Variants in CTNNA3 observed in about 807,000 individuals in gnomAD.
CTNNA3 encodes catenin alpha-3.
In CTNNA3, 76 loss-of-function variants were observed where a neutral mutation model predicts 95.7. The ratio of observed to expected loss-of-function variants is 0.79; its 90% CI spans 0.66 to 0.96. The LOEUF is 0.96. Ranked by LOEUF, CTNNA3 falls within the 40% of genes least tolerant of loss-of-function variation. The probability of loss-of-function intolerance (pLI) is 0.00; values close to 1 mark genes in which losing one functional copy is unlikely to be tolerated. For missense variants in CTNNA3, 1,191 were observed against 1,089.8 expected (o/e 1.09, Z -1.31); for synonymous variants, 431 against 374.4 (o/e 1.15, Z -1.74).
At chr10:67,146,642 AAG>A (rs1181851274) in intron 7 of CTNNA3, among the ~76,000 whole-genome samples, 1 of 152,212 alleles carries the variant, frequency 6.6e-6, no homozygotes, top group Non-Finnish European at 1.5e-5. Context: ...GGTGGGATTT[AAG>A]AGAGATGCTT....
At chr10:66,209,347 T>C (rs1486475938) in intron 13 of CTNNA3, among the ~76,000 whole-genome samples, 1 of 152,108 alleles carries the variant, frequency 6.6e-6, no homozygotes, top group Non-Finnish European at 1.5e-5. Flanking sequence ...GTAAATGATA[T>C]AGAATTATAG....
chr10:67,527,479 A>G (rs1235078947), intron 4 of CTNNA3, among the ~76,000 whole-genome samples: 1 of 152,218 alleles, frequency 6.6e-6, no homozygotes, highest in African/African-American at 2.4e-5. Flanking sequence ...AATAGCCAAC[A>G]TCATAGACAT....
intron 10 of CTNNA3, among the ~76,000 whole-genome samples, chr10:66,546,098 T>C (rs1842027185): frequency 6.6e-6 from 1 of 151,964 alleles, no homozygotes; most frequent in African/African-American, 2.4e-5. Flanking sequence ...TTAGTTTTCA[T>C]GCAGTATAAT....
intron 10 of CTNNA3, among the ~76,000 whole-genome samples, chr10:66,543,911 GTATATATATATATATATATATA>G (rs1198925758): frequency 0.084 from 1,364 of 16,262 alleles, 41 homozygotes; most frequent in African/African-American, 0.2. Context: ...GTGTGTGTGT[GTATATATATATATATATATATA>G]TATATATATA....
At chr10:67,698,109 T>G (rs1841001909), upstream of CTNNA3, among the ~76,000 whole-genome samples, 1 of 152,256 alleles carries the variant, frequency 6.6e-6, no homozygotes, top group Non-Finnish European at 1.5e-5. Context: ...CTTGTCACCT[T>G]GCCCAGTCTT....
In CTNNA3 at chr10:66,070,554, A is replaced by G. The variant is rs143715538; in HGVS notation, c.1978-1065T>C. ...TAAATCTGTGATTCTATTTATTAGAATAAATAGTGCTGAATATACACTGGT... is the reference window on the plus strand; with the variant it reads ...TAAATCTGTGATTCTATTTATTAGAGTAAATAGTGCTGAATATACACTGGT... On this transcript the variant is annotated intron_variant, in intron 14 of 17. Transcript: ENST00000433211. 2.6e-3 allele frequency among the ~76,000 whole-genome samples: 389 copies of G among 152,274 alleles called. 5 individuals are homozygous for G. The highest frequency in any genetic ancestry group is 9.0e-3 in the African/African-American group (376 of 41,574).
intron 1 of CTNNA3, among the ~76,000 whole-genome samples, chr10:67,673,391 C>A (rs1185485297): frequency 2.0e-5 from 3 of 150,218 alleles, no homozygotes; most frequent in African/African-American, 7.3e-5. Context: ...GAACTTCCAA[C>A]ACTATGTTGA....
At chr10:66,114,009 T>C (rs1035387154) in intron 13 of CTNNA3, among the ~76,000 whole-genome samples, 9 of 152,262 alleles carry the variant, frequency 5.9e-5, no homozygotes, top group Admixed American at 3.9e-4. Context: ...GCAGCAGTAG[T>C]AGCAACAGTA....
At chr10:66,928,509 A>G in intron 7 of CTNNA3, 4 of 1,486,406 alleles carry the variant, frequency 2.7e-6, no homozygotes. Flanking sequence ...GTGGTGCTTT[A>G]TTGAACTCTG....
chr10:66,039,551 G>A lies in CTNNA3; in HGVS notation c.2159+29757C>T, dbSNP rs1362845842. ...ATATTTAGACCAACTTAATAGAATA[G>A]AGAGTCCAGAAATAAGACTGCCCAC... On this transcript the variant is annotated intron_variant, in intron 15 of 17. Coordinates refer to ENST00000433211, the MANE Select transcript of CTNNA3 (RefSeq NM_013266.4). 2.6e-5 allele frequency among the ~76,000 whole-genome samples: 4 copies of A among 152,122 alleles called. No homozygotes were observed. In the East Asian group the frequency reaches 7.7e-4, roughly 29 times the overall value.
intron 1 of CTNNA3, among the ~76,000 whole-genome samples, chr10:67,695,188 A>G (rs894510782): frequency 6.6e-6 from 1 of 152,212 alleles, no homozygotes; most frequent in Non-Finnish European, 1.5e-5. Flanking sequence ...CTTTGTTTTA[A>G]GCAAATCATT....
chr10:66,891,707 G>C (rs762591451), intron 7 of CTNNA3, among the ~76,000 whole-genome samples: 46 of 152,184 alleles, frequency 3.0e-4, no homozygotes, highest in Non-Finnish European at 4.4e-4. Context: ...TTGGAAACGA[G>C]AGAATGAGAG....
intron 7 of CTNNA3, among the ~76,000 whole-genome samples, chr10:67,151,662 A>C (rs1268352563): frequency 6.6e-6 from 1 of 152,232 alleles, no homozygotes; most frequent in East Asian, 1.9e-4. Context: ...ATAGGCTTAC[A>C]TGCTCAGGGA....
rs533093058 is a variant in CTNNA3, at chr10:67,421,550, C to G, written c.579+100292G>C. On this transcript the variant is annotated intron_variant, in intron 5 of 17. Coordinates refer to ENST00000433211, the MANE Select transcript of CTNNA3 (RefSeq NM_013266.4). ...CATTGTCACATGGGGACCATGAACA[C>G]CTCTCTACACATCATGGGCTTTGGG... Among the ~76,000 whole-genome samples, 44 of 152,258 alleles carry G rather than the reference C, an allele frequency of 2.9e-4. 1 individual carries two copies. The highest frequency in any genetic ancestry group is 9.4e-4 in the African/African-American group (39 of 41,546).
chr10:65,919,161 G>GA lies in CTNNA3; in HGVS notation c.*1168dup, dbSNP rs1303956319. Reference sequence around the variant, plus strand: ...GAGAGAGGCAGGTCATCAGGGGAGAGAAAAAGAGAGAGAGAATGACAGAGA... The same window carrying GA: ...GAGAGAGGCAGGTCATCAGGGGAGAGAAAAAAGAGAGAGAGAATGACAGAGA... On this transcript the variant is annotated 3_prime_UTR_variant, in exon 18 of 18. Transcript: ENST00000433211. 38 of 152,158 alleles carry GA rather than the reference G, an allele frequency of 2.5e-4. No individual in the cohort carries two copies. The highest frequency in any genetic ancestry group is 8.9e-4 in the African/African-American group (37 of 41,504). The allele number at this position is 152,158 out of a possible 1,614,324, so 9.4% of individuals were successfully genotyped here.
chr10:66,482,211 T>C (rs576967468), intron 11 of CTNNA3, among the ~76,000 whole-genome samples: 1 of 152,314 alleles, frequency 6.6e-6, no homozygotes, highest in Non-Finnish European at 1.5e-5. Flanking sequence ...CAGTTGAGCA[T>C]ATCATATTGA....
At chr10:66,410,014 A>G (rs928954119) in intron 11 of CTNNA3, among the ~76,000 whole-genome samples, 3 of 152,168 alleles carry the variant, frequency 2.0e-5, no homozygotes, top group Admixed American at 2.0e-4. Flanking sequence ...GGCTTGCTCC[A>G]CTGTTATTCT....
rs569327632 is a variant in CTNNA3, at chr10:66,905,322, A to C, written c.1048-129798T>G. ...ACTCATAGGTGGGAATTGAACAATA[A>C]GAACACATGGACACAGGGCAGGGAA... is the stretch of plus-strand genomic sequence containing the variant. On this transcript the variant is annotated intron_variant, in intron 7 of 17. Coordinates refer to ENST00000433211, the MANE Select transcript of CTNNA3 (RefSeq NM_013266.4). Among the ~76,000 whole-genome samples, 123 of 152,272 alleles carry C rather than the reference A, an allele frequency of 8.1e-4. 1 individual carries two copies. The highest frequency in any genetic ancestry group is 2.8e-3 in the African/African-American group (116 of 41,556).
At chr10:67,234,557 T>A (rs1865367350) in intron 5 of CTNNA3, among the ~76,000 whole-genome samples, 1 of 152,088 alleles carries the variant, frequency 6.6e-6, no homozygotes, top group African/African-American at 2.4e-5. Flanking sequence ...GCCAATATCA[T>A]ACTGAATGGG....
Sources: allele counts gnomAD v4.1 joint callset (sites outside exome capture counted in the v4.1 genomes callset), GRCh38; gene constraint gnomAD v4.1.1; transcripts MANE v1.5; gene names NCBI Gene and HGNC (gene_info 2026-07-23, HGNC 2026-07-21).